The following ADAMTS5 variants were observed in gnomAD, a reference collection of about 807,000 sequenced individuals.
ADAMTS5 encodes the protein A disintegrin and metalloproteinase with thrombospondin motifs 5.
In ADAMTS5, 54 loss-of-function variants were observed where a neutral mutation model predicts 81.4. The ratio of observed to expected loss-of-function variants is 0.66; its 90% confidence interval spans 0.53 to 0.83. The LOEUF is 0.83. Ranked by LOEUF, ADAMTS5 falls within the 40% of genes least tolerant of loss-of-function variation. The probability of loss-of-function intolerance (pLI) is 0.00; values close to 1 mark genes in which losing one functional copy is unlikely to be tolerated. For synonymous variants in ADAMTS5, 532 were observed against 508.8 expected, an observed-to-expected ratio of 1.05 and a Z score of -0.61; for missense variants, 1,194 against 1,229.9, an observed-to-expected ratio of 0.97 and a Z score of 0.44.
At chr21:26,925,103 C>T (rs932041880) in intron 7 of ADAMTS5, among the ~76,000 whole-genome samples, 1 of 152,210 alleles carries the variant, frequency 6.6e-6, no homozygotes, top group Non-Finnish European at 1.5e-5. Context: ...CTTTCAGAGC[C>T]TACCCACACC....
intron 1 of ADAMTS5, among the ~76,000 whole-genome samples, chr21:26,963,858 A>G (rs1987581358): frequency 6.6e-6 from 1 of 152,068 alleles, no homozygotes; most frequent in Non-Finnish European, 1.5e-5. Flanking sequence ...TGTGCACAGC[A>G]CTGCGCGCTG....
intron 1 of ADAMTS5, among the ~76,000 whole-genome samples, chr21:26,956,209 A>G (rs1987423985): frequency 1.3e-5 from 2 of 152,202 alleles, no homozygotes; most frequent in Non-Finnish European, 2.9e-5. Flanking sequence ...CTGCATAAAA[A>G]TCCTACCAAG....
rs556318390 is a variant in ADAMTS5, at chr21:26,921,317, T to A, written c.*2736A>T. On this transcript the variant is annotated 3_prime_UTR_variant, in exon 8 of 8. Transcript: ENST00000284987. ...CAGCAAGGCAGGGCTTAATTTAAAT[T>A]TTTCTGATCTAGAAGAAATAAATGT... 6 of 152,124 alleles carry A rather than the reference T, an allele frequency of 3.9e-5. No individual in the cohort carries two copies. Among genetic ancestry groups the A allele is most frequent in the Non-Finnish European group, 5.9e-5 (4 of 67,922 alleles). 9.4% of individuals were successfully genotyped at this position (152,124 alleles called of 1,614,324 possible).
chr21:26,935,740 C>T (rs570838683), intron 3 of ADAMTS5, among the ~76,000 whole-genome samples: 3 of 152,248 alleles, frequency 2.0e-5, no homozygotes, highest in Non-Finnish European at 2.9e-5. Context: ...TTCCCCTCCC[C>T]GCAAAAGCTT....
intron 2 of ADAMTS5, among the ~76,000 whole-genome samples, chr21:26,949,015 G>C (rs1233901218): frequency 6.6e-6 from 1 of 152,014 alleles, no homozygotes; most frequent in Non-Finnish European, 1.5e-5. Context: ...AACATGCAAA[G>C]TGATTAGAAT....
Position 26,932,113 on chromosome 21 carries a change from T to C in ADAMTS5, c.1940A>G (p.Lys647Arg). The change falls in exon 6 of 8, where the codon AAA becomes AGA. Residue 647 changes from lysine to arginine, a missense_variant. Transcript: ENST00000284987. ...TTTGGGAACCCATTCCACAAAAGTT[T>C]TGACTCCTTTTGCATCAGACTGATA... ...NGYQSDAKGV[K>R]TFVEWVPKYA... 6.2e-7 allele frequency: 1 copy of C among 1,614,198 alleles called. No homozygotes were observed. Among genetic ancestry groups the C allele is most frequent in the Non-Finnish European group, 8.5e-7 (1 of 1,180,028 alleles).
chr21:26,959,804 A>T (rs905655735), intron 1 of ADAMTS5, among the ~76,000 whole-genome samples: 1 of 152,016 alleles, frequency 6.6e-6, no homozygotes, highest in African/African-American at 2.4e-5. Flanking sequence ...GTTGTCCTCT[A>T]TTTCTCATTT....
At chr21:26,964,971 T>G (rs1275623120) in intron 1 of ADAMTS5, among the ~76,000 whole-genome samples, 1 of 152,224 alleles carries the variant, frequency 6.6e-6, no homozygotes, top group Non-Finnish European at 1.5e-5. Context: ...CCCATTTAAC[T>G]GTATCATTTC....
chr21:26,960,888 CTCTT>C (rs1172908851), intron 1 of ADAMTS5, among the ~76,000 whole-genome samples: 2 of 152,230 alleles, frequency 1.3e-5, no homozygotes, highest in Non-Finnish European at 2.9e-5. Context: ...CTAACTCCCA[CTCTT>C]TCTTCAAAAT....
chr21:26,934,369 G>GTTTTT (rs1986970155), intron 4 of ADAMTS5, 97 bp downstream of exon 4: 15 of 1,461,448 alleles, frequency 1.0e-5, no homozygotes, highest in Non-Finnish European at 1.4e-5. Context: ...TTTTAAATTA[G>GTTTTT]AAAATAAAGC....
intron 7 of ADAMTS5, among the ~76,000 whole-genome samples, chr21:26,925,683 G>A (rs1049574965): frequency 1.2e-4 from 18 of 152,298 alleles, no homozygotes; most frequent in South Asian, 4.1e-4. Context: ...TTTGACTGAC[G>A]TGTGGAGCTG....
chr21:26,949,161 T>G (rs1179704698), intron 2 of ADAMTS5, among the ~76,000 whole-genome samples: 1 of 148,134 alleles, frequency 6.8e-6, no homozygotes, highest in African/African-American at 2.5e-5. Context: ...ATATCACACA[T>G]ATATCCATAT....
chr21:26,953,609 G>C (rs1237463202), intron 2 of ADAMTS5, among the ~76,000 whole-genome samples: 3 of 152,098 alleles, frequency 2.0e-5, no homozygotes, highest in Non-Finnish European at 4.4e-5. Context: ...CCATTTAAAA[G>C]TTATAATTTT....
At position 26,934,705 on chromosome 21, in the gene ADAMTS5, C is replaced by G; in HGVS notation, c.1450G>C (p.Glu484Gln). 6.2e-7 allele frequency: 1 copy of G among 1,614,142 alleles called. No individual in the cohort carries two copies. The highest frequency in any genetic ancestry group is 8.5e-7 in the Non-Finnish European group (1 of 1,180,034). The change falls in exon 4 of 8, where the codon GAA becomes CAA. Residue 484 changes from glutamate (E) to glutamine (Q), a missense_variant. Glu to Gln is a conservative substitution (Grantham distance 29, BLOSUM62 2). This residue lies in a region of ADAMTS5 where 696 missense variants were observed against 817.6 expected (regional missense o/e 0.85). Coordinates refer to ENST00000284987, the MANE Select transcript of ADAMTS5 (RefSeq NM_007038.5). ...TCGTAGGTCTGTCCTGGGAGTTCTT[C>G]GGGGCCCAGGATCTGCTTTCGTGGT... ...DLPRKQILGP[E>Q]ELPGQTYDAT...
rs1449420070 is a variant in ADAMTS5 at position 26,920,790 on chromosome 21, A to G, written c.*3263T>C. Reference sequence around the variant, plus strand: ...ACTTGGAAAAAATAGTGTTAATGTGATGTAAAAAACCTATTATCATAGGCA... The same window carrying G: ...ACTTGGAAAAAATAGTGTTAATGTGGTGTAAAAAACCTATTATCATAGGCA... On this transcript the variant is annotated 3_prime_UTR_variant, in exon 8 of 8. Coordinates refer to ENST00000284987, the MANE Select transcript of ADAMTS5 (RefSeq NM_007038.5). The G allele has an allele frequency of 6.6e-6, 1 of 152,080 alleles. No individual in the cohort carries two copies. Among genetic ancestry groups the G allele is most frequent in the Non-Finnish European group, 1.5e-5 (1 of 67,982 alleles). The allele number at this position is 152,080 out of a possible 1,614,324, so 9.4% of individuals were successfully genotyped here.
intron 6 of ADAMTS5, among the ~76,000 whole-genome samples, chr21:26,930,297 C>T (rs1986883907): frequency 6.6e-6 from 1 of 152,110 alleles, no homozygotes; most frequent in Non-Finnish European, 1.5e-5. Flanking sequence ...CTCTCTTAAC[C>T]TTACCTCTGA....
At chr21:26,926,047 A>C (rs1986800431) in intron 7 of ADAMTS5, among the ~76,000 whole-genome samples, 1 of 152,256 alleles carries the variant, frequency 6.6e-6, no homozygotes, top group East Asian at 1.9e-4. Flanking sequence ...ATGTTGGAGA[A>C]TTCCTCGAGG....
chr21:26,947,974 T>A (rs1335313713), intron 2 of ADAMTS5, among the ~76,000 whole-genome samples: 1 of 152,168 alleles, frequency 6.6e-6, no homozygotes, highest in East Asian at 1.9e-4. Flanking sequence ...AGCTCAGAAA[T>A]AGCAAACAAA....
chr21:26,932,200 A>G (rs774148768), intron 5 of ADAMTS5, 21 bp from the exon 6 acceptor site: 1 of 1,606,456 alleles, frequency 6.2e-7, no homozygotes, highest in Non-Finnish European at 8.5e-7. Context: ...AACATGTTTC[A>G]GTATTACCTT....
Sources: allele counts gnomAD v4.1 joint callset (sites outside exome capture counted in the v4.1 genomes callset), GRCh38; gene constraint gnomAD v4.1.1; regional missense constraint gnomAD v4.1.1; transcripts MANE v1.5; gene names NCBI Gene and HGNC (gene_info 2026-07-23, HGNC 2026-07-21).